NTSR1: variants seen among roughly 807,000 people sequenced by gnomAD.
NTSR1 encodes the protein neurotensin receptor type 1.
Under a neutral mutation model 31.2 loss-of-function variants are expected in NTSR1, and 29 were observed. The observed-to-expected ratio is 0.93, with a 90% confidence interval of 0.69 to 1.27. The LOEUF is 1.27. NTSR1 is among the 50% of genes most tolerant of loss of function. The pLI is 0.00. For synonymous variants in NTSR1, 282 were observed against 269.9 expected, an observed-to-expected ratio of 1.04 and a Z score of -0.44; for missense variants, 697 against 595.4, an observed-to-expected ratio of 1.17 and a Z score of -1.78.
At chr20:62,717,158 C>T (rs564570003) in intron 1 of NTSR1, among the ~76,000 whole-genome samples, 13 of 152,344 alleles carry the variant, frequency 8.5e-5, no homozygotes, top group Admixed American at 3.9e-4. Context: ...CCACCCACCC[C>T]AGGAGGGCAA....
Position 62,747,424 on chromosome 20 carries a change from GTAAA to G in NTSR1, c.715-7260_715-7257del, listed in dbSNP as rs1465005839. ...ACCCACAGCTAACACCACACTCAGT[GTAAA>G]GGCCACGTATGATGACAGACCCACA... On this transcript the variant is annotated intron_variant, in intron 1 of 3. Transcript: ENST00000370501. Among the ~76,000 whole-genome samples, 211 of 128,118 alleles carry G rather than the reference GTAAA, an allele frequency of 1.6e-3. 9 individuals are homozygous for G. The highest frequency in any genetic ancestry group is 3.0e-3 in the African/African-American group (96 of 32,356). 84.1% of individuals were successfully genotyped at this position (128,118 alleles called of 152,430 possible). A position where few individuals can be genotyped will look rare whatever the true frequency, so the allele number is the denominator to read the frequency against.
At chr20:62,726,832 G>T (rs939642591) in intron 1 of NTSR1, among the ~76,000 whole-genome samples, 1 of 152,164 alleles carries the variant, frequency 6.6e-6, no homozygotes, top group African/African-American at 2.4e-5. Flanking sequence ...CGTTAGTGGA[G>T]AAGGCTACAG....
chr20:62,754,586 G>C (rs1381942746), intron 1 of NTSR1, 99 bp from the exon 2 acceptor site: 1 of 965,394 alleles, frequency 1.0e-6, no homozygotes, highest in African/African-American at 1.6e-5. Context: ...ACCTCACACT[G>C]AGCAGGCCTG....
At chr20:62,726,559 A>G (rs1051043475) in intron 1 of NTSR1, among the ~76,000 whole-genome samples, 3 of 152,150 alleles carry the variant, frequency 2.0e-5, no homozygotes, top group African/African-American at 7.2e-5. Flanking sequence ...TTGCCTGGGC[A>G]TGCTGGCTGG....
chr20:62,716,389 C>T (rs1042705513), intron 1 of NTSR1, among the ~76,000 whole-genome samples: 3 of 152,154 alleles, frequency 2.0e-5, no homozygotes, highest in African/African-American at 4.8e-5. Context: ...CAACGCTGAG[C>T]CGTTGGGACA....
In NTSR1 at chr20:62,743,816, C is replaced by T. The variant is rs16983213; in HGVS notation, c.715-10869C>T. On this transcript the variant is annotated intron_variant, in intron 1 of 3. Coordinates refer to ENST00000370501, the MANE Select transcript of NTSR1 (RefSeq NM_002531.3). This position sits in a 1 kb window ranked among gnomAD's most constrained non-coding sequence, Gnocchi z 7.5. ...TTGCTCTCGAAGAGCGAGGTGAGAA[C>T]GCCCTGCCTGAGGTCGAGGGGCTGA... is the stretch of plus-strand genomic sequence containing the variant. Among the ~76,000 whole-genome samples, 15,426 of 152,216 alleles carry T rather than the reference C, an allele frequency of 0.1. 1,811 individuals carry two copies. Among genetic ancestry groups the T allele is most frequent in the East Asian group, 0.27 (1,415 of 5,174 alleles).
intron 1 of NTSR1, among the ~76,000 whole-genome samples, chr20:62,739,089 TGAG>T (rs1181774624): frequency 6.6e-6 from 1 of 152,224 alleles, no homozygotes; most frequent in Non-Finnish European, 1.5e-5. Flanking sequence ...TGCGTGGCTG[TGAG>T]GGAGACGCGT....
chr20:62,712,043 A>G (rs1382739966), intron 1 of NTSR1, among the ~76,000 whole-genome samples: 1 of 152,184 alleles, frequency 6.6e-6, no homozygotes, highest in East Asian at 1.9e-4. Flanking sequence ...AGCTGATTAC[A>G]AGGGTGCTCC....
Position 62,758,416 on chromosome 20 carries a change from G to C in NTSR1, c.1007+60G>C. ...CAAGTAAGTGCTCCCAAAACAGATG[G>C]TGGGTGTGGCAGGCACTGCTGAGGG... On this transcript the variant is annotated intron_variant, in intron 3 of 3. Coordinates refer to ENST00000370501, the MANE Select transcript of NTSR1 (RefSeq NM_002531.3). This position sits in a 1 kb window ranked among gnomAD's most constrained non-coding sequence, Gnocchi z 4.5. 6.7e-7 allele frequency: 1 copy of C among 1,484,658 alleles called. No homozygotes were observed. Among genetic ancestry groups the C allele is most frequent in the East Asian group, 2.3e-5 (1 of 44,010 alleles). The allele number at this position is 1,484,658 out of a possible 1,614,324, so 92.0% of individuals were successfully genotyped here.
intron 1 of NTSR1, among the ~76,000 whole-genome samples, chr20:62,754,133 G>A (rs1284566263): frequency 6.6e-6 from 1 of 152,196 alleles, no homozygotes; most frequent in Non-Finnish European, 1.5e-5. Context: ...TGATAACAGG[G>A]GCCCTATACC....
Position 62,709,393 on chromosome 20 carries a change from C to CA in NTSR1, c.188dup (p.Val64GlyfsTer269). On this transcript the variant is annotated frameshift_variant, in exon 1 of 4. Transcript: ENST00000370501. LOFTEE classifies it high-confidence loss of function. ...TGGACGTGAACACCGACATCTACTC[C>CA]AAGGTGCTGGTGACCGCCGTGTACC... The CA allele has an allele frequency of 6.2e-7, 1 of 1,609,268 alleles. No individual in the cohort carries two copies. The highest frequency in any genetic ancestry group is 8.5e-7 in the Non-Finnish European group (1 of 1,177,286).
Position 62,758,832 on chromosome 20 carries a change from G to A in NTSR1, c.1007+476G>A, listed in dbSNP as rs1446200651. Among the ~76,000 whole-genome samples, 3 of 152,192 alleles carry A rather than the reference G, an allele frequency of 2.0e-5. No individual in the cohort carries two copies. The highest frequency in any genetic ancestry group is 4.4e-5 in the Non-Finnish European group (3 of 68,024). ...AGTCAGCAAAGGGAAAAGACACATG[G>A]AGTGGGGTCAGCGGAAGACCAGATG... On this transcript the variant is annotated intron_variant, in intron 3 of 3. Transcript: ENST00000370501. The surrounding 1 kb of genome is among the most constrained non-coding windows in gnomAD (Gnocchi z 4.5).
At chr20:62,735,569 G>T (rs146328310) in intron 1 of NTSR1, among the ~76,000 whole-genome samples, 1,715 of 152,326 alleles carry the variant, frequency 0.011, 39 homozygotes, top group African/African-American at 0.039. Flanking sequence ...GGAGTGAGAT[G>T]AATTCCTTCT....
In NTSR1 at chr20:62,744,103, A is replaced by G. The variant is rs894386880; in HGVS notation, c.715-10582A>G. On this transcript the variant is annotated intron_variant, in intron 1 of 3. Coordinates refer to ENST00000370501, the MANE Select transcript of NTSR1 (RefSeq NM_002531.3). This position sits in a 1 kb window ranked among gnomAD's most constrained non-coding sequence, Gnocchi z 4.1. Reference sequence around the variant, plus strand: ...GGGCAGAGGCCAGGCTGTCCCTCCCATAGGTCCAGCCCCACCAGCCGTCGC... The same window carrying G: ...GGGCAGAGGCCAGGCTGTCCCTCCCGTAGGTCCAGCCCCACCAGCCGTCGC... 1.3e-5 allele frequency among the ~76,000 whole-genome samples: 2 copies of G among 152,146 alleles called. No homozygotes were observed. Among genetic ancestry groups the G allele is most frequent in the African/African-American group, 4.8e-5 (2 of 41,434 alleles).
chr20:62,754,052 G>C (rs1037677469), intron 1 of NTSR1, among the ~76,000 whole-genome samples: 30 of 152,350 alleles, frequency 2.0e-4, no homozygotes, highest in East Asian at 1.5e-3. Context: ...ATCAGGTGCA[G>C]GGTAGCTATG....
intron 1 of NTSR1, among the ~76,000 whole-genome samples, chr20:62,750,010 G>T (rs1039673189): frequency 3.9e-5 from 6 of 152,230 alleles, no homozygotes; most frequent in Non-Finnish European, 8.8e-5. Flanking sequence ...CCTGTCCGCT[G>T]CGGCACTGTT....
chr20:62,753,950 G>A (rs911109202), intron 1 of NTSR1, among the ~76,000 whole-genome samples: 2 of 152,242 alleles, frequency 1.3e-5, no homozygotes, highest in Non-Finnish European at 2.9e-5. Context: ...CGCAGAAGGA[G>A]CGGGACTCAG....
chr20:62,709,550 A>G lies in NTSR1; in HGVS notation c.343A>G (p.Thr115Ala). 6.2e-7 allele frequency: 1 copy of G among 1,612,006 alleles called. No individual in the cohort carries two copies. Among genetic ancestry groups the G allele is most frequent in the Non-Finnish European group, 8.5e-7 (1 of 1,179,842 alleles). The change falls in exon 1 of 4, where the codon ACC (threonine) becomes GCC (alanine). Residue 115 changes from threonine (T) to alanine (A), a missense_variant. Physicochemically the swap from Thr to Ala is moderately conservative, Grantham distance 58. Transcript: ENST00000370501. ...LGSLALSDLL[T>A]LLLAMPVELY... ...CAGCCTGGCGCTGTCCGACCTGCTC[A>G]CCCTGCTGCTGGCCATGCCCGTGGA...
In NTSR1 at chr20:62,762,732, G is replaced by C. The variant is rs1989648993; in HGVS notation, c.*2465G>C. ...TGCAGGTGGTGAAAACAAACCCCGT[G>C]TATCTCTCAATAAAGGTGGCCGAAG... On this transcript the variant is annotated 3_prime_UTR_variant, in exon 4 of 4. Transcript: ENST00000370501. The C allele has an allele frequency of 6.6e-6, 1 of 152,184 alleles. No individual in the cohort carries two copies. The highest frequency in any genetic ancestry group is 2.4e-5 in the African/African-American group (1 of 41,426). 9.4% of individuals were successfully genotyped at this position (152,184 alleles called of 1,614,324 possible). A position where few individuals can be genotyped will look rare whatever the true frequency, so the allele number is the denominator to read the frequency against.
Sources: allele counts gnomAD v4.1 joint callset (sites outside exome capture counted in the v4.1 genomes callset), GRCh38; gene constraint gnomAD v4.1.1; non-coding constraint Gnocchi (gnomAD v3.1); transcripts MANE v1.5; gene names NCBI Gene and HGNC (gene_info 2026-07-23, HGNC 2026-07-21).